Variants in NTN1 observed in about 807,000 individuals in gnomAD.
NTN1 encodes netrin-1.
NTN1 carries 11 observed loss-of-function variants against 54.2 expected under a neutral mutation model. The ratio of observed to expected loss-of-function variants is 0.20; its 90% CI spans 0.13 to 0.34. NTN1 has a LOEUF of 0.34. NTN1 is among the 10% of genes least tolerant of loss of function. The pLI, the probability that NTN1 is intolerant of heterozygous loss-of-function variation, is 1.00. For synonymous variants in NTN1, 371 were observed against 382.0 expected, an observed-to-expected ratio of 0.97 and a Z score of 0.33; for missense variants, 740 against 893.1, an observed-to-expected ratio of 0.83 and a Z score of 2.18.
intron 2 of NTN1, among the ~76,000 whole-genome samples, chr17:9,044,875 G>T (rs1287432000): frequency 6.6e-6 from 1 of 152,124 alleles, no homozygotes; most frequent in South Asian, 2.1e-4. Context: ...TAAAAGCGGG[G>T]GGTCACAAAA....
chr17:9,065,727 C>A (rs937671113), intron 2 of NTN1, among the ~76,000 whole-genome samples: 24 of 152,334 alleles, frequency 1.6e-4, no homozygotes, highest in Middle Eastern at 3.4e-3. Flanking sequence ...CAAGCAGGAT[C>A]CTGTGCTGGG....
intron 2 of NTN1, among the ~76,000 whole-genome samples, chr17:9,155,991 T>G (rs1421566386): frequency 6.6e-6 from 1 of 151,986 alleles, no homozygotes; most frequent in Non-Finnish European, 1.5e-5. Context: ...AATTTGTGAG[T>G]TGTACATGCT....
chr17:9,045,292 A>G (rs373300799), intron 2 of NTN1, among the ~76,000 whole-genome samples: 5 of 152,352 alleles, frequency 3.3e-5, no homozygotes, highest in Middle Eastern at 3.4e-3. Context: ...AATAGAAATC[A>G]GTCTGCAAGG....
At chr17:9,144,754 G>A (rs2092308333) in intron 2 of NTN1, among the ~76,000 whole-genome samples, 1 of 152,260 alleles carries the variant, frequency 6.6e-6, no homozygotes, top group African/African-American at 2.4e-5. Context: ...GGGGTTTGCT[G>A]ACGAAACAAG....
At chr17:9,027,911 T>C (rs1353033385) in intron 2 of NTN1, among the ~76,000 whole-genome samples, 1 of 152,026 alleles carries the variant, frequency 6.6e-6, no homozygotes, top group Non-Finnish European at 1.5e-5. Context: ...AACCCCTCTT[T>C]AAGAAGGCCT....
intron 5 of NTN1, among the ~76,000 whole-genome samples, chr17:9,193,938 A>AAAAAAAAAAAAAAAAAAC (rs796452392): frequency 9.2e-6 from 1 of 108,300 alleles, no homozygotes; most frequent in Non-Finnish European, 1.9e-5. Context: ...AAAAAAAAAA[A>AAAAAAAAAAAAAAAAAAC]AAAAAACATT....
At chr17:9,155,612 A>T (rs1293886845) in intron 2 of NTN1, among the ~76,000 whole-genome samples, 1 of 151,680 alleles carries the variant, frequency 6.6e-6, no homozygotes. Context: ...AAGTGCTGGG[A>T]TTACAGGCGT....
At chr17:9,104,605 A>G (rs746208352) in intron 2 of NTN1, among the ~76,000 whole-genome samples, 1 of 152,202 alleles carries the variant, frequency 6.6e-6, no homozygotes, top group Non-Finnish European at 1.5e-5. Context: ...CCTGCTGGGC[A>G]CAAGGCTGAC....
intron 3 of NTN1, among the ~76,000 whole-genome samples, chr17:9,179,543 A>G (rs2092411790): frequency 6.6e-6 from 1 of 152,162 alleles, no homozygotes; most frequent in Middle Eastern, 3.2e-3. Context: ...CTGGGCTTCC[A>G]AAGGGCTTCT....
chr17:9,013,512 G>A, the NTN1 span, among the ~76,000 whole-genome samples: 41,551 of 151,916 alleles, frequency 0.27, 5,775 homozygotes, highest in South Asian at 0.38. Context: ...CACCTCGCCC[G>A]GCCAGTAATA....
intron 2 of NTN1, among the ~76,000 whole-genome samples, chr17:9,094,655 T>C (rs1411766690): frequency 6.6e-6 from 1 of 152,130 alleles, no homozygotes; most frequent in African/African-American, 2.4e-5. Context: ...TGAGGCTGTG[T>C]ATTGTCCTTT....
intron 2 of NTN1, among the ~76,000 whole-genome samples, chr17:9,037,966 C>T (rs2091908265): frequency 6.6e-6 from 1 of 152,306 alleles, no homozygotes; most frequent in Non-Finnish European, 1.5e-5. Flanking sequence ...CCTCTCTATT[C>T]TCATCTCCTG....
At chr17:9,076,916 A>T (rs1473959829) in intron 2 of NTN1, among the ~76,000 whole-genome samples, 1 of 152,186 alleles carries the variant, frequency 6.6e-6, no homozygotes, top group Admixed American at 6.5e-5. Context: ...ACACTGTCAG[A>T]GGTGTCTTCT....
chr17:9,014,137 C>T, the NTN1 span, among the ~76,000 whole-genome samples: 2 of 152,128 alleles, frequency 1.3e-5, no homozygotes, highest in East Asian at 3.9e-4. Context: ...ATGGATATCT[C>T]CAGGAACGCT....
At chr17:9,062,234 G>A (rs8081823) in intron 2 of NTN1, among the ~76,000 whole-genome samples, 47,554 of 151,994 alleles carry the variant, frequency 0.31, 7,656 homozygotes, top group East Asian at 0.44. Context: ...TCCCAATTCC[G>A]AATGAGGGGC....
At chr17:9,106,918 C>A (rs373948644) in intron 2 of NTN1, among the ~76,000 whole-genome samples, 1 of 152,152 alleles carries the variant, frequency 6.6e-6, no homozygotes, top group African/African-American at 2.4e-5. Context: ...GGGATCCATA[C>A]CCCGTGCTAA....
At chr17:9,200,095 A>G (rs990711804) in intron 5 of NTN1, among the ~76,000 whole-genome samples, 2 of 152,250 alleles carry the variant, frequency 1.3e-5, no homozygotes, top group East Asian at 1.9e-4. Flanking sequence ...TGGACGTTAC[A>G]GGACTACAAG....
At chr17:9,069,600 C>T (rs2092026359) in intron 2 of NTN1, among the ~76,000 whole-genome samples, 1 of 152,198 alleles carries the variant, frequency 6.6e-6, no homozygotes, top group South Asian at 2.1e-4. Flanking sequence ...TCAAACTTCT[C>T]AGAGTCTTCA....
At chr17:9,164,195 C>T (rs995507647) in intron 3 of NTN1, among the ~76,000 whole-genome samples, 6 of 152,304 alleles carry the variant, frequency 3.9e-5, no homozygotes, top group East Asian at 1.9e-4. Context: ...GAGGCCAAGA[C>T]GGGCGGATCA....
Sources: allele counts gnomAD v4.1 joint callset (sites outside exome capture counted in the v4.1 genomes callset), GRCh38; gene constraint gnomAD v4.1.1; transcripts MANE v1.5; gene names NCBI Gene and HGNC (gene_info 2026-07-23, HGNC 2026-07-21).